SH3RF3: variants seen among roughly 807,000 people sequenced by gnomAD.
The protein encoded by SH3RF3 is SH3 domain containing ring finger 3.
SH3RF3 carries 29 observed loss-of-function variants against 66.3 expected under a neutral mutation model. That is an observed-to-expected ratio of 0.44 (90% CI 0.33 to 0.60). SH3RF3 has a LOEUF of 0.60. Among genes scored for constraint, SH3RF3 ranks in the 20% least tolerant of loss-of-function variants. SH3RF3 has a pLI of 0.04. For missense variants in SH3RF3, 1,194 were observed against 1,190.9 expected, an observed-to-expected ratio of 1.00 and a Z score of -0.04; for synonymous variants, 583 against 532.0, an observed-to-expected ratio of 1.10 and a Z score of -1.32.
chr2:109,485,876 C>T (rs1327885439), intron 8 of SH3RF3, among the ~76,000 whole-genome samples: 1 of 152,264 alleles, frequency 6.6e-6, no homozygotes, highest in African/African-American at 2.4e-5. Flanking sequence ...CATCGCAAGC[C>T]TCCAGTCCCT....
At chr2:109,322,489 A>ATC (rs1682049317) in intron 1 of SH3RF3, among the ~76,000 whole-genome samples, 2 of 152,242 alleles carry the variant, frequency 1.3e-5, no homozygotes, top group Admixed American at 6.5e-5. Flanking sequence ...CATCTTAAGG[A>ATC]AGCTGAAATT....
intron 1 of SH3RF3, among the ~76,000 whole-genome samples, chr2:109,342,859 A>G (rs1682587820): frequency 6.6e-6 from 1 of 152,248 alleles, no homozygotes; most frequent in African/African-American, 2.4e-5. Flanking sequence ...AATTGACATT[A>G]TAAGTTTTAA....
chr2:109,339,107 G>A (rs1303840360), intron 1 of SH3RF3, among the ~76,000 whole-genome samples: 1 of 152,170 alleles, frequency 6.6e-6, no homozygotes, highest in Non-Finnish European at 1.5e-5. Flanking sequence ...CGTTGTGTGG[G>A]CTGAACAGGA....
intron 9 of SH3RF3, among the ~76,000 whole-genome samples, chr2:109,491,239 A>G (rs1345943739): frequency 6.6e-6 from 1 of 152,184 alleles, no homozygotes; most frequent in African/African-American, 2.4e-5. Flanking sequence ...GAGACTAGGC[A>G]GTGAGTGGTC....
At chr2:109,254,937 T>C (rs1051658983) in intron 1 of SH3RF3, among the ~76,000 whole-genome samples, 3 of 152,098 alleles carry the variant, frequency 2.0e-5, no homozygotes, top group African/African-American at 7.2e-5. Flanking sequence ...GCTAGAAAAA[T>C]GCTCTGGAAG....
rs1679110351 is a variant in SH3RF3, at chr2:109,490,823, G to A, written c.2367G>A (p.Glu789=). Residue 789 remains glutamate, a synonymous_variant, in exon 9 of 10, where the codon GAG becomes GAA. Transcript: ENST00000309415. ...ESEMQGAMGM[E]PLHRKAGSLD... is the part of the protein sequence containing the mutation. ...AGATGCAGGGTGCCATGGGGATGGA[G>A]CCTCTGCACAGGAAGGCAGGCTCCT... 2 of 1,536,866 alleles carry A rather than the reference G, an allele frequency of 1.3e-6. No individual in the cohort carries two copies. The highest frequency in any genetic ancestry group is 2.0e-5 in the Admixed American group (1 of 50,976).
chr2:109,455,198 C>T (rs1393035625), intron 8 of SH3RF3, among the ~76,000 whole-genome samples: 1 of 152,124 alleles, frequency 6.6e-6, no homozygotes, highest in Non-Finnish European at 1.5e-5. Flanking sequence ...ATGGCCCGTC[C>T]AGGAGTCCCA....
intron 8 of SH3RF3, among the ~76,000 whole-genome samples, chr2:109,468,530 A>G (rs932570721): frequency 3.9e-5 from 6 of 152,136 alleles, no homozygotes; most frequent in African/African-American, 1.4e-4. Flanking sequence ...CCTGGCAAGA[A>G]GCGAGCACAA....
intron 1 of SH3RF3, among the ~76,000 whole-genome samples, chr2:109,280,743 G>C (rs1680867590): frequency 6.6e-6 from 1 of 152,242 alleles, no homozygotes; most frequent in Non-Finnish European, 1.5e-5. Context: ...CTCACCCGAT[G>C]AGGGCTGTGA....
At chr2:109,225,444 C>G (rs1679352514) in intron 1 of SH3RF3, among the ~76,000 whole-genome samples, 2 of 152,204 alleles carry the variant, frequency 1.3e-5, no homozygotes, top group Non-Finnish European at 2.9e-5. Context: ...ACACAAACAA[C>G]TCCCTTTAAA....
chr2:109,405,463 C>T (rs555494342), intron 4 of SH3RF3, among the ~76,000 whole-genome samples: 2 of 152,146 alleles, frequency 1.3e-5, no homozygotes, highest in Non-Finnish European at 2.9e-5. Context: ...GCAGCACTGT[C>T]CATTCCCGTG....
intron 1 of SH3RF3, among the ~76,000 whole-genome samples, chr2:109,148,938 C>T (rs1677162248): frequency 6.6e-6 from 1 of 152,062 alleles, no homozygotes; most frequent in Non-Finnish European, 1.5e-5. Flanking sequence ...AGACTTTATT[C>T]TTTGTGGAGC....
intron 2 of SH3RF3, among the ~76,000 whole-genome samples, chr2:109,367,294 A>G (rs1683170850): frequency 7.0e-6 from 1 of 143,148 alleles, no homozygotes; most frequent in African/African-American, 2.6e-5. Context: ...TTTTATTTTT[A>G]TTTTTAGATG....
intron 1 of SH3RF3, among the ~76,000 whole-genome samples, chr2:109,304,489 T>C (rs1681546752): frequency 6.6e-6 from 1 of 152,198 alleles, no homozygotes; most frequent in South Asian, 2.1e-4. Flanking sequence ...TCTCTGGACC[T>C]GCTTCCTGAG....
chr2:109,316,050 T>C (rs1170354429), intron 1 of SH3RF3, among the ~76,000 whole-genome samples: 1 of 152,182 alleles, frequency 6.6e-6, no homozygotes, highest in African/African-American at 2.4e-5. Flanking sequence ...TCCCAGTATT[T>C]AGAGATTAGA....
intron 4 of SH3RF3, among the ~76,000 whole-genome samples, chr2:109,406,290 G>T (rs569078355): frequency 3.3e-4 from 51 of 152,262 alleles, no homozygotes; most frequent in Non-Finnish European, 6.5e-4. Context: ...GAGGTTACTG[G>T]ATCAAATCGG....
At chr2:109,374,454 C>A (rs79029717) in intron 3 of SH3RF3, among the ~76,000 whole-genome samples, 1 of 152,186 alleles carries the variant, frequency 6.6e-6, no homozygotes, top group African/African-American at 2.4e-5. Flanking sequence ...CCTGGTGGAT[C>A]GGAAAGTCCT....
At chr2:109,387,384 A>G (rs1675851204) in intron 3 of SH3RF3, among the ~76,000 whole-genome samples, 2 of 152,196 alleles carry the variant, frequency 1.3e-5, no homozygotes, top group Non-Finnish European at 2.9e-5. Context: ...CCAGGGGCCC[A>G]GAAGCTTCAG....
At chr2:109,290,564 C>G (rs951544340) in intron 1 of SH3RF3, among the ~76,000 whole-genome samples, 1 of 152,234 alleles carries the variant, frequency 6.6e-6, no homozygotes, top group Admixed American at 6.5e-5. Context: ...TCCTTTGGCC[C>G]GCCCAATGCC....
Sources: allele counts gnomAD v4.1 joint callset (sites outside exome capture counted in the v4.1 genomes callset), GRCh38; gene constraint gnomAD v4.1.1; transcripts MANE v1.5; gene names NCBI Gene and HGNC (gene_info 2026-07-23, HGNC 2026-07-21).